The following CNTNAP5 variants were observed in gnomAD, a reference collection of about 807,000 sequenced individuals.
CNTNAP5 encodes the protein contactin-associated protein-like 5.
Under a neutral mutation model 150.2 loss-of-function variants are expected in CNTNAP5, and 72 were observed. The observed-to-expected ratio is 0.48, with a 90% confidence interval of 0.40 to 0.58. CNTNAP5 has a LOEUF of 0.58. Among genes scored for constraint, CNTNAP5 ranks in the 20% least tolerant of loss-of-function variants. The pLI is 0.00. For missense variants in CNTNAP5, 1,636 were observed against 1,626.2 expected (o/e 1.01, Z -0.10); for synonymous variants, 672 against 619.8 (o/e 1.08, Z -1.25).
At chr2:124,911,844 C>G (rs1257604191) in intron 23 of CNTNAP5, among the ~76,000 whole-genome samples, 3 of 152,140 alleles carry the variant, frequency 2.0e-5, no homozygotes, top group Non-Finnish European at 4.4e-5. Context: ...ACAGTTTTCA[C>G]TGTTTCTAAA....
chr2:124,212,548 T>G (rs2104726629), intron 1 of CNTNAP5, among the ~76,000 whole-genome samples: 1 of 152,342 alleles, frequency 6.6e-6, no homozygotes, highest in African/African-American at 2.4e-5. Flanking sequence ...GAATTTTACC[T>G]GTTACACTCA....
rs187831624 is a variant in CNTNAP5, at chr2:124,697,516, T to C, written c.2077+49558T>C. 1.7e-4 allele frequency among the ~76,000 whole-genome samples: 26 copies of C among 152,166 alleles called. No individual in the cohort carries two copies. The East Asian group carries it at 4.4e-3, about 26-fold the overall frequency. ...CTGTTTATTCAATACTTGACTTTTT[T>C]TCTCTAGGAACTTCAACAAGGCCTT... On this transcript the variant is annotated intron_variant, in intron 13 of 23. Transcript: ENST00000682447.
chr2:124,302,565 C>T lies in CNTNAP5; in HGVS notation c.381+60172C>T, dbSNP rs868344846. ...TAAACCTACCATTTTACCAGGAACCCACTCCTGGAGTAACTAACTCACTCC... is the reference window on the plus strand; with the variant it reads ...TAAACCTACCATTTTACCAGGAACCTACTCCTGGAGTAACTAACTCACTCC... On this transcript the variant is annotated intron_variant, in intron 3 of 23. Transcript: ENST00000682447. 8.5e-5 allele frequency among the ~76,000 whole-genome samples: 13 copies of T among 152,164 alleles called. No individual in the cohort carries two copies. In the South Asian group the frequency reaches 2.3e-3, roughly 27 times the overall value.
intron 1 of CNTNAP5, among the ~76,000 whole-genome samples, chr2:124,091,447 G>A (rs1682811782): frequency 6.6e-6 from 1 of 152,220 alleles, no homozygotes; most frequent in African/African-American, 2.4e-5. Flanking sequence ...TAAGCTACAT[G>A]GCAAAGAAGC....
intron 3 of CNTNAP5, among the ~76,000 whole-genome samples, chr2:124,390,233 T>A (rs934544898): frequency 4.6e-5 from 7 of 152,200 alleles, no homozygotes; most frequent in African/African-American, 1.4e-4. Flanking sequence ...GCCTTCCTTT[T>A]TAAATTTTTC....
chr2:124,789,785 A>T, intron 17 of CNTNAP5, 117 bp from the exon 18 acceptor site: 1 of 892,674 alleles, frequency 1.1e-6, no homozygotes, highest in Non-Finnish European at 1.7e-6. Context: ...TAAAAAAATT[A>T]ATTTAGACCT....
At chr2:124,299,905 T>A (rs575305641) in intron 3 of CNTNAP5, among the ~76,000 whole-genome samples, 1 of 152,186 alleles carries the variant, frequency 6.6e-6, no homozygotes, top group Non-Finnish European at 1.5e-5. Flanking sequence ...TTACCCTAGC[T>A]TTTAACCATC....
At chr2:124,335,061 C>G (rs150310868) in intron 3 of CNTNAP5, among the ~76,000 whole-genome samples, 1 of 152,212 alleles carries the variant, frequency 6.6e-6, no homozygotes, top group African/African-American at 2.4e-5. Flanking sequence ...CAGAAACAGA[C>G]TAAGACGGCA....
chr2:124,280,699 G>C (rs1335396637), intron 3 of CNTNAP5, among the ~76,000 whole-genome samples: 1 of 151,938 alleles, frequency 6.6e-6, no homozygotes, highest in East Asian at 1.9e-4. Context: ...CCAGTCCCTT[G>C]CAACTATTAT....
At chr2:124,239,587 A>G (rs1256009435) in intron 2 of CNTNAP5, among the ~76,000 whole-genome samples, 2 of 152,168 alleles carry the variant, frequency 1.3e-5, no homozygotes, top group Non-Finnish European at 2.9e-5. Context: ...ATATGCAAAA[A>G]TCAGAAGAGT....
chr2:124,336,966 G>A (rs1028707627), intron 3 of CNTNAP5, among the ~76,000 whole-genome samples: 3 of 152,098 alleles, frequency 2.0e-5, no homozygotes, highest in African/African-American at 7.2e-5. Flanking sequence ...TTCCACAGTG[G>A]TTGAAGTAGT....
intron 1 of CNTNAP5, among the ~76,000 whole-genome samples, chr2:124,035,023 T>TCCC (rs1558732445): frequency 1.0e-4 from 1 of 9,910 alleles, no homozygotes; most frequent in Non-Finnish European, 2.2e-4. Context: ...CCTCCCTCCC[T>TCCC]TCCTTCCTTC....
At chr2:124,671,505 G>A (rs898120504) in intron 13 of CNTNAP5, among the ~76,000 whole-genome samples, 2 of 152,118 alleles carry the variant, frequency 1.3e-5, no homozygotes, top group Non-Finnish European at 2.9e-5. Context: ...AATACTCATG[G>A]CCCTATAATT....
chr2:124,351,788 G>A (rs987604184), intron 3 of CNTNAP5, among the ~76,000 whole-genome samples: 5 of 152,096 alleles, frequency 3.3e-5, no homozygotes, highest in Non-Finnish European at 4.4e-5. Flanking sequence ...GAGATCAGCC[G>A]CCACTCATTC....
intron 13 of CNTNAP5, among the ~76,000 whole-genome samples, chr2:124,743,809 A>G (rs1378762920): frequency 1.3e-5 from 2 of 152,092 alleles, no homozygotes; most frequent in Non-Finnish European, 2.9e-5. Context: ...AAACCTTCCT[A>G]TTGGAACATT....
chr2:124,665,678 A>G (rs1054780465), intron 13 of CNTNAP5, among the ~76,000 whole-genome samples: 1 of 152,102 alleles, frequency 6.6e-6, no homozygotes, highest in Non-Finnish European at 1.5e-5. Context: ...CAAGGTCAGG[A>G]GATCGAGACC....
At chr2:124,713,221 T>C (rs35329038) in intron 13 of CNTNAP5, among the ~76,000 whole-genome samples, 3,164 of 31,880 alleles carry the variant, frequency 0.099, 401 homozygotes, top group African/African-American at 0.11. Context: ...CTTTCTCTGT[T>C]TCTTTCTTTC....
intron 3 of CNTNAP5, among the ~76,000 whole-genome samples, chr2:124,388,345 CTGT>C (rs386650007): frequency 0.042 from 6,361 of 152,238 alleles, 146 homozygotes; most frequent in African/African-American, 0.043. Context: ...CACCAGAACC[CTGT>C]GTTGCAAAGC....
chr2:124,494,649 G>C (rs150968712), intron 7 of CNTNAP5, among the ~76,000 whole-genome samples: 189 of 152,296 alleles, frequency 1.2e-3, no homozygotes, highest in Non-Finnish European at 2.1e-3. Flanking sequence ...TTTGCCTTAT[G>C]TGAGTAGACT....
Sources: gnomAD v4.1 joint callset for allele counts (sites outside exome capture counted in the v4.1 genomes callset) on GRCh38, gnomAD v4.1.1 for gene constraint, MANE v1.5 for transcripts, NCBI Gene and HGNC (gene_info 2026-07-23, HGNC 2026-07-21) for gene names.